Variants in LONP1 observed in about 807,000 individuals in gnomAD.
LONP1 encodes lon protease homolog, mitochondrial.
LONP1 carries 31 observed loss-of-function variants against 98.5 expected under a neutral mutation model. The ratio of observed to expected loss-of-function variants is 0.31; its 90% confidence interval spans 0.24 to 0.42. The LOEUF (loss-of-function observed/expected upper bound fraction) is 0.42, where lower values mean the gene tolerates loss of function less well. Ranked by LOEUF, LONP1 falls within the 20% of genes least tolerant of loss-of-function variation. The pLI is 1.00. For missense variants in LONP1, 1,336 were observed against 1,350.6 expected (o/e 0.99, Z 0.17); for synonymous variants, 781 against 594.7 (o/e 1.31, Z -4.56).
In LONP1 at chr19:5,695,192, TAC is replaced by T. The variant is rs532933030; in HGVS notation, c.2014-293_2014-292del. 5.9e-5 allele frequency among the ~76,000 whole-genome samples: 9 copies of T among 152,138 alleles called. 1 individual carries two copies. In the South Asian group the frequency reaches 1.9e-3, roughly 32 times the overall value. On this transcript the variant is annotated intron_variant, in intron 13 of 17. Coordinates refer to ENST00000360614, the MANE Select transcript of LONP1 (RefSeq NM_004793.4). ...CTGGTTGCCCCATGGGCTGGCCCCATACACAGACCCAGGGCCTGTAGGGTGGC... is the reference window on the plus strand; with the variant it reads ...CTGGTTGCCCCATGGGCTGGCCCCATACAGACCCAGGGCCTGTAGGGTGGC...
chr19:5,717,644 G>A (rs2055343609), intron 1 of LONP1: 1 of 152,330 alleles, frequency 6.6e-6, no homozygotes, highest in African/African-American at 2.4e-5. Flanking sequence ...ACTGCCAGGG[G>A]TGAAGTCAAG....
At chr19:5,708,427 C>T in intron 4 of LONP1, 24 bp from the exon 5 acceptor site, 1 of 969,324 alleles carries the variant, frequency 1.0e-6, no homozygotes, top group South Asian at 1.3e-5. Context: ...GGCAGGGTCG[C>T]TGGGGCCCAG....
At chr19:5,698,734 C>A (rs1261534412) in intron 10 of LONP1, among the ~76,000 whole-genome samples, 1 of 152,220 alleles carries the variant, frequency 6.6e-6, no homozygotes, top group African/African-American at 2.4e-5. Context: ...CTGGCCCGGG[C>A]ATTGCAGGTC....
intron 8 of LONP1, among the ~76,000 whole-genome samples, chr19:5,704,417 C>T (rs1020707505): frequency 2.6e-5 from 4 of 152,194 alleles, no homozygotes; most frequent in African/African-American, 9.6e-5. Context: ...GCAACCAGTG[C>T]CTCTCAGGGC....
rs755002707 is a variant in LONP1 at position 5,696,178 on chromosome 19, C to CG, written c.1897-9dup. ...CGTGCAGATGAACAGCACCTGGGGGCGGCGGCAAGGTGCTGGGGGACTGGC... is the reference window on the plus strand; with the variant it reads ...CGTGCAGATGAACAGCACCTGGGGGCGGGCGGCAAGGTGCTGGGGGACTGGC... On this transcript the variant is annotated splice_polypyrimidine_tract_variant and intron_variant, in intron 12 of 17. Coordinates refer to ENST00000360614, the MANE Select transcript of LONP1 (RefSeq NM_004793.4). 1 of 1,612,810 alleles carries CG rather than the reference C, an allele frequency of 6.2e-7. No homozygotes were observed. Among genetic ancestry groups the CG allele is most frequent in the African/African-American group, 1.3e-5 (1 of 75,044 alleles).
chr19:5,695,021 GATGGTGAA>G, intron 13 of LONP1, 120 bp from the exon 14 acceptor site: 1 of 1,234,092 alleles, frequency 8.1e-7, no homozygotes, highest in Non-Finnish European at 1.1e-6. Flanking sequence ...CGAGGTCCCT[GATGGTGAA>G]ACCAGGGCCT....
intron 1 of LONP1, among the ~76,000 whole-genome samples, chr19:5,716,529 G>A (rs2055326305): frequency 6.7e-6 from 1 of 149,636 alleles, no homozygotes; most frequent in South Asian, 2.1e-4. Context: ...TTGTGGTCCA[G>A]AAATTCCTGA....
At chr19:5,697,152 G>A (rs2054947323) in intron 10 of LONP1, among the ~76,000 whole-genome samples, 3 of 152,124 alleles carry the variant, frequency 2.0e-5, no homozygotes, top group African/African-American at 7.2e-5. Flanking sequence ...AGGGCTTCCT[G>A]CAAGCTCTGT....
Position 5,707,410 on chromosome 19 carries a change from G to A in LONP1, c.1063-267C>T, listed in dbSNP as rs569341238. 5.3e-5 allele frequency among the ~76,000 whole-genome samples: 8 copies of A among 152,320 alleles called. No individual in the cohort carries two copies. In the East Asian group the frequency reaches 5.8e-4, roughly 11 times the overall value. On this transcript the variant is annotated intron_variant, in intron 6 of 17. Coordinates refer to ENST00000360614, the MANE Select transcript of LONP1 (RefSeq NM_004793.4). ...AACAGCAAAAGACTGGCAACGCCCC[G>A]GGTACACGGCCCAGAGGATCCCACT...
chr19:5,706,872 C>T (rs1568322488), intron 7 of LONP1, among the ~76,000 whole-genome samples, 188 bp downstream of exon 7: 3 of 152,232 alleles, frequency 2.0e-5, no homozygotes, highest in Admixed American at 6.5e-5. Context: ...CCCTGTTCAA[C>T]GCGGAGAGTT....
chr19:5,699,542 G>A (rs906079080), intron 9 of LONP1, among the ~76,000 whole-genome samples: 10 of 148,436 alleles, frequency 6.7e-5, no homozygotes, highest in Admixed American at 4.7e-4. Flanking sequence ...GTCCACCAAT[G>A]CCTCTGGCTC....
chr19:5,700,510 G>C (rs1409999179), intron 9 of LONP1, among the ~76,000 whole-genome samples: 1 of 152,170 alleles, frequency 6.6e-6, no homozygotes, highest in East Asian at 1.9e-4. Context: ...TCAACTTCCT[G>C]GGCTCAAGTG....
At chr19:5,708,468 G>GGGGGCC in intron 4 of LONP1, 65 bp from the exon 5 acceptor site, 1 of 551,266 alleles carries the variant, frequency 1.8e-6, no homozygotes, top group East Asian at 4.7e-5. Flanking sequence ...GGCTGGGTGG[G>GGGGGCC]AGCATGGCCC....
intron 8 of LONP1, among the ~76,000 whole-genome samples, chr19:5,701,346 C>G (rs1040385110): frequency 6.6e-5 from 10 of 152,194 alleles, no homozygotes; most frequent in Admixed American, 2.6e-4. Flanking sequence ...CACGGTCTCC[C>G]CTTTCCCTCT....
chr19:5,710,677 C>T (rs958350239), intron 4 of LONP1, among the ~76,000 whole-genome samples: 1 of 152,088 alleles, frequency 6.6e-6, no homozygotes, highest in African/African-American at 2.4e-5. Flanking sequence ...TGTACCCAGC[C>T]AATAAAATGT....
chr19:5,701,755 T>C (rs375565584), intron 8 of LONP1, among the ~76,000 whole-genome samples: 6 of 150,056 alleles, frequency 4.0e-5, no homozygotes, highest in East Asian at 2.0e-4. Context: ...GCCGCCACCC[T>C]GTCTGGGAAG....
At chr19:5,704,140 A>T (rs575974848) in intron 8 of LONP1, among the ~76,000 whole-genome samples, 1 of 152,052 alleles carries the variant, frequency 6.6e-6, no homozygotes, top group East Asian at 1.9e-4. Flanking sequence ...GGGAGGTGAG[A>T]GACTGACTGG....
intron 10 of LONP1, among the ~76,000 whole-genome samples, chr19:5,698,209 C>T (rs1347300060): frequency 1.3e-5 from 2 of 152,130 alleles, no homozygotes; most frequent in Non-Finnish European, 2.9e-5. Context: ...ATGCTGTCAC[C>T]CTTGCAGCGG....
chr19:5,698,701 C>G (rs66724617), intron 10 of LONP1, among the ~76,000 whole-genome samples: 1 of 152,130 alleles, frequency 6.6e-6, no homozygotes, highest in Non-Finnish European at 1.5e-5. Flanking sequence ...AGCATCTGCA[C>G]GGCAAACGCC....
Sources: gnomAD v4.1 joint callset for allele counts (sites outside exome capture counted in the v4.1 genomes callset) on GRCh38, gnomAD v4.1.1 for gene constraint, MANE v1.5 for transcripts, NCBI Gene and HGNC (gene_info 2026-07-23, HGNC 2026-07-21) for gene names.